Variants in LRRC49 observed in about 807,000 individuals in gnomAD.
LRRC49 encodes leucine rich repeat containing 49, also known as leucine-rich repeat-containing protein 49.
A neutral mutation model predicts 83.3 loss-of-function variants in LRRC49; 50 were observed. The observed-to-expected ratio is 0.60, with a 90% CI of 0.48 to 0.76. LRRC49 has a LOEUF of 0.76. Among genes scored for constraint, LRRC49 ranks in the 30% least tolerant of loss-of-function variants. LRRC49 has a pLI of 0.00. For synonymous variants in LRRC49, 286 were observed against 283.3 expected (o/e 1.01, Z -0.10); for missense variants, 704 against 809.1 (o/e 0.87, Z 1.58).
At chr15:70,923,081 AT>A (rs1344046367) in intron 7 of LRRC49, among the ~76,000 whole-genome samples, 4 of 151,824 alleles carry the variant, frequency 2.6e-5, no homozygotes, top group South Asian at 2.1e-4. Context: ...GAAATTTAGT[AT>A]TTTTCTTATT....
chr15:70,882,604 T>G (rs375372043), intron 2 of LRRC49: 26 of 1,613,986 alleles, frequency 1.6e-5, no homozygotes, highest in Non-Finnish European at 2.0e-5. Context: ...TCTGAGTAGT[T>G]GCATTACACA....
At chr15:70,972,273 G>A (rs1229672089) in intron 9 of LRRC49, among the ~76,000 whole-genome samples, 1 of 152,126 alleles carries the variant, frequency 6.6e-6, no homozygotes, top group African/African-American at 2.4e-5. Context: ...GAAATTCTGG[G>A]TTGAAAATTC....
At chr15:71,019,769 T>G (rs1424827974) in intron 14 of LRRC49, among the ~76,000 whole-genome samples, 1 of 152,164 alleles carries the variant, frequency 6.6e-6, no homozygotes, top group Non-Finnish European at 1.5e-5. Flanking sequence ...ATAACTAGTT[T>G]AAAATAATAT....
chr15:70,891,979 C>CT (rs1331528441), upstream of LRRC49: 1 of 1,613,496 alleles, frequency 6.2e-7, no homozygotes. Flanking sequence ...CCTCTCCCCT[C>CT]TTAGGTGCCG....
Position 70,900,571 on chromosome 15 carries a change from C to G in LRRC49, c.194-351C>G, listed in dbSNP as rs2034028974. The G allele has an allele frequency of 6.6e-6, 3 of 457,750 alleles. No homozygotes were observed. In the Admixed American group the frequency reaches 7.1e-5, roughly 11 times the overall value. The allele number at this position is 457,750 out of a possible 1,614,324, so 28.4% of individuals were successfully genotyped here. On this transcript the variant is annotated intron_variant, in intron 3 of 15. Transcript: ENST00000260382. ...CAGCAGGGCTGTCATAGTGCTGGCC[C>G]AAATATATCTGGTAATGAGGAACTA...
chr15:71,039,871 A>T (rs1223684155), intron 15 of LRRC49, among the ~76,000 whole-genome samples: 1 of 152,252 alleles, frequency 6.6e-6, no homozygotes, highest in Non-Finnish European at 1.5e-5. Context: ...TAATGATTTT[A>T]AAATTGTTTG....
At chr15:70,908,325 AG>A (rs2034403989) in intron 5 of LRRC49, among the ~76,000 whole-genome samples, 1 of 152,224 alleles carries the variant, frequency 6.6e-6, no homozygotes, top group Non-Finnish European at 1.5e-5. Flanking sequence ...AGGAGGATGG[AG>A]GAGGAGATAT....
chr15:70,972,416 AT>A (rs2037041483), intron 9 of LRRC49, among the ~76,000 whole-genome samples: 1 of 151,932 alleles, frequency 6.6e-6, no homozygotes, highest in Non-Finnish European at 1.5e-5. Flanking sequence ...TGTGCTTAAC[AT>A]TTTTTCCTTC....
chr15:70,921,971 G>A (rs557236431), intron 7 of LRRC49, among the ~76,000 whole-genome samples: 1 of 152,130 alleles, frequency 6.6e-6, no homozygotes, highest in African/African-American at 2.4e-5. Context: ...AGTTTGTATG[G>A]CATCTTTCTC....
At chr15:70,871,161 G>C (rs922154651) in intron 1 of LRRC49, among the ~76,000 whole-genome samples, 3 of 151,756 alleles carry the variant, frequency 2.0e-5, no homozygotes, top group Non-Finnish European at 2.9e-5. Context: ...GACTCTTAAC[G>C]AGTATGCTGC....
chr15:70,871,545 C>T (rs1007962540), intron 1 of LRRC49, among the ~76,000 whole-genome samples: 6 of 148,750 alleles, frequency 4.0e-5, no homozygotes, highest in African/African-American at 1.5e-4. Flanking sequence ...GAGGCGCCCC[C>T]CACCTCCCGA....
upstream of LRRC49, among the ~76,000 whole-genome samples, chr15:70,890,967 A>G (rs1463911511): frequency 1.3e-5 from 2 of 152,198 alleles, no homozygotes; most frequent in Non-Finnish European, 2.9e-5. Context: ...AATAATTGCA[A>G]GATGCCATTA....
intron 15 of LRRC49, among the ~76,000 whole-genome samples, chr15:71,042,300 G>A (rs533101600): frequency 2.0e-5 from 3 of 152,194 alleles, no homozygotes; most frequent in African/African-American, 7.2e-5. Context: ...TAGCTTCAGT[G>A]CAGTCATGTA....
chr15:71,037,235 A>G lies in LRRC49; in HGVS notation c.1760A>G (p.Asn587Ser), dbSNP rs988807361. 6.8e-6 allele frequency: 11 copies of G among 1,611,500 alleles called. No homozygotes were observed. Among genetic ancestry groups the G allele is most frequent in the Non-Finnish European group, 9.3e-6 (11 of 1,178,322 alleles). The change falls in exon 15 of 16, where the codon AAC becomes AGC. Residue 587 changes from asparagine (N) to serine (S), a missense_variant. This residue lies in a region of LRRC49 where 275 missense variants were observed against 338.0 expected (regional missense o/e 0.81). Coordinates refer to ENST00000260382, the MANE Select transcript of LRRC49 (RefSeq NM_017691.5). ...AAAGGAAAAAAACCTGGTATTATCA[A>G]CGAAGAAAATAATGACAGCAAAAGA... ...ESKGKKPGII[N>S]EENNDSKRLV...
intron 7 of LRRC49, among the ~76,000 whole-genome samples, chr15:70,926,506 T>C (rs1385351437): frequency 6.6e-6 from 1 of 152,160 alleles, no homozygotes; most frequent in Non-Finnish European, 1.5e-5. Context: ...ACTACCAGTT[T>C]TTTTGTTTTT....
chr15:70,984,778 C>A (rs1001467285), intron 11 of LRRC49, among the ~76,000 whole-genome samples: 2 of 110,324 alleles, frequency 1.8e-5, no homozygotes, highest in Non-Finnish European at 3.5e-5. Context: ...ATCCCTCCCC[C>A]CTCCCCCCAC....
chr15:70,953,571 C>T (rs2036294789), intron 8 of LRRC49, among the ~76,000 whole-genome samples: 1 of 152,058 alleles, frequency 6.6e-6, no homozygotes, highest in African/African-American at 2.4e-5. Context: ...TTGCATTGAC[C>T]TTGGAGAATC....
At chr15:70,898,675 C>T (rs914974653) in intron 3 of LRRC49, among the ~76,000 whole-genome samples, 32 of 152,062 alleles carry the variant, frequency 2.1e-4, no homozygotes, top group Admixed American at 5.2e-4. Context: ...CCCAGGTATT[C>T]GAGAGGCTGA....
chr15:70,924,632 G>A (rs575769839), intron 7 of LRRC49, among the ~76,000 whole-genome samples: 1 of 151,808 alleles, frequency 6.6e-6, no homozygotes, highest in Non-Finnish European at 1.5e-5. Flanking sequence ...CATTTTAATT[G>A]CTATTGTTTC....
Sources: gnomAD v4.1 joint callset for allele counts (sites outside exome capture counted in the v4.1 genomes callset) on GRCh38, gnomAD v4.1.1 for gene constraint, gnomAD v4.1.1 regional missense constraint, MANE v1.5 for transcripts, NCBI Gene and HGNC (gene_info 2026-07-23, HGNC 2026-07-21) for gene names.